Variants in SHANK2 observed in about 807,000 individuals in gnomAD.
The protein encoded by SHANK2 is SH3 and multiple ankyrin repeat domains protein 2.
Under a neutral mutation model 133.7 loss-of-function variants are expected in SHANK2, and 43 were observed. The ratio of observed to expected loss-of-function variants is 0.32; its 90% CI spans 0.25 to 0.41. The LOEUF (loss-of-function observed/expected upper bound fraction) is 0.41. Ranked by LOEUF, SHANK2 falls within the 10% of genes least tolerant of loss-of-function variation. The pLI is 1.00. For missense variants in SHANK2, 1,994 were observed against 2,235.8 expected, an observed-to-expected ratio of 0.89 and a Z score of 2.18; for synonymous variants, 1,017 against 952.8, an observed-to-expected ratio of 1.07 and a Z score of -1.24.
intron 3 of SHANK2, among the ~76,000 whole-genome samples, chr11:71,121,133 G>C (rs1319319074): frequency 6.6e-6 from 1 of 152,172 alleles, no homozygotes; most frequent in Non-Finnish European, 1.5e-5. Flanking sequence ...GGAAAGCCTG[G>C]GTTTGCAACC....
At chr11:70,907,655 T>C in intron 10 of SHANK2, 1 of 223,496 alleles carries the variant, frequency 4.5e-6, no homozygotes, top group Non-Finnish European at 9.3e-6. Context: ...GTGAGTTTAT[T>C]TTAGAAATAA....
intron 17 of SHANK2, among the ~76,000 whole-genome samples, chr11:70,615,346 C>T (rs945425386): frequency 1.3e-5 from 2 of 152,156 alleles, no homozygotes; most frequent in Non-Finnish European, 2.9e-5. Context: ...CTTTTGCTTT[C>T]AGTTCTTAAG....
intron 14 of SHANK2, among the ~76,000 whole-genome samples, chr11:70,792,394 G>A (rs868968192): frequency 4.6e-4 from 67 of 144,192 alleles, no homozygotes; most frequent in Admixed American, 1.9e-3. Context: ...CAGCCAACCA[G>A]CCAACCAACC....
At chr11:71,143,620 T>C (rs1555106185) in intron 3 of SHANK2, among the ~76,000 whole-genome samples, 1 of 152,168 alleles carries the variant, frequency 6.6e-6, no homozygotes, top group African/African-American at 2.4e-5. Context: ...GCTGCCTACT[T>C]GTTCCTAAGG....
chr11:70,870,607 C>T (rs1481289506), intron 11 of SHANK2, among the ~76,000 whole-genome samples: 3 of 152,142 alleles, frequency 2.0e-5, no homozygotes, highest in Non-Finnish European at 4.4e-5. Flanking sequence ...GGGGTTCACA[C>T]TGGGGACTGC....
intron 3 of SHANK2, among the ~76,000 whole-genome samples, chr11:71,132,381 T>C (rs1952332204): frequency 6.6e-6 from 1 of 152,166 alleles, no homozygotes; most frequent in African/African-American, 2.4e-5. Context: ...GGACGGCTGC[T>C]CCTCACCAGC....
At chr11:70,923,296 G>A (rs1446156697) in intron 10 of SHANK2, among the ~76,000 whole-genome samples, 11 of 152,238 alleles carry the variant, frequency 7.2e-5, no homozygotes, top group Admixed American at 7.2e-4. Context: ...AGGCTGGAAT[G>A]TAGTGGTGTG....
At chr11:70,586,551 T>C (rs2060255411) in intron 17 of SHANK2, among the ~76,000 whole-genome samples, 1 of 152,126 alleles carries the variant, frequency 6.6e-6, no homozygotes, top group African/African-American at 2.4e-5. Context: ...GGAAGCTAAC[T>C]CCGAGGCGGC....
chr11:70,684,801 C>T (rs1368283222), intron 15 of SHANK2, among the ~76,000 whole-genome samples: 1 of 152,064 alleles, frequency 6.6e-6, no homozygotes, highest in Non-Finnish European at 1.5e-5. Context: ...GGTCCCAGCC[C>T]TGCCCTGTCT....
At position 71,175,552 on chromosome 11, in the gene SHANK2, GA is replaced by G. The variant is rs1555112980; in HGVS notation, c.-12-28215del. On this transcript the variant is annotated intron_variant, in intron 2 of 25. Coordinates refer to ENST00000601538, the MANE Select transcript of SHANK2 (RefSeq NM_012309.5). This position sits in a 1 kb window ranked among gnomAD's most constrained non-coding sequence, Gnocchi z 4.2. Reference sequence around the variant, plus strand: ...AGACAGACAGAGGGAGAGGGAGAGGGAGAGAGAGAGAGAGAGAGAGAGAGAG... The same window carrying G: ...AGACAGACAGAGGGAGAGGGAGAGGGGAGAGAGAGAGAGAGAGAGAGAGAG... Among the ~76,000 whole-genome samples, 61 of 24,532 alleles carry G rather than the reference GA, an allele frequency of 2.5e-3. No individual in the cohort carries two copies. Among genetic ancestry groups the G allele is most frequent in the Middle Eastern group, 0.021 (1 of 48 alleles). The allele number at this position is 24,532 out of a possible 152,430, so 16.1% of individuals were successfully genotyped here. A position where few individuals can be genotyped will look rare whatever the true frequency, so the allele number is the denominator to read the frequency against.
intron 17 of SHANK2, among the ~76,000 whole-genome samples, chr11:70,610,465 G>GC (rs1392313234): frequency 6.6e-6 from 1 of 152,166 alleles, no homozygotes; most frequent in Non-Finnish European, 1.5e-5. Context: ...ACACGCCTGT[G>GC]CCCCCGGCCA....
intron 9 of SHANK2, among the ~76,000 whole-genome samples, chr11:71,073,147 C>CTTTCTTTTTTTTTTTT (rs1951166746): frequency 6.4e-5 from 4 of 62,716 alleles, no homozygotes; most frequent in African/African-American, 1.7e-4. Flanking sequence ...TTTTTCTTTT[C>CTTTCTTTTTTTTTTTT]TTTTTTTTCT....
At chr11:70,605,986 C>T (rs530951533) in intron 17 of SHANK2, among the ~76,000 whole-genome samples, 2 of 152,236 alleles carry the variant, frequency 1.3e-5, no homozygotes, top group East Asian at 1.9e-4. Flanking sequence ...GCATGAAGTA[C>T]CCTCAGTTAA....
intron 17 of SHANK2, among the ~76,000 whole-genome samples, chr11:70,651,570 G>T (rs987118017): frequency 3.3e-5 from 5 of 152,174 alleles, no homozygotes; most frequent in African/African-American, 9.7e-5. Flanking sequence ...AGAGACTGAA[G>T]ATCCCCAGTG....
intron 14 of SHANK2, among the ~76,000 whole-genome samples, chr11:70,786,937 C>T (rs781945319): frequency 6.6e-6 from 1 of 151,990 alleles, no homozygotes; most frequent in Non-Finnish European, 1.5e-5. Context: ...CTACCATCAT[C>T]ACCAACAAAA....
intron 1 of SHANK2, among the ~76,000 whole-genome samples, chr11:71,238,133 T>C (rs1165559010): frequency 2.0e-5 from 3 of 152,200 alleles, no homozygotes; most frequent in Non-Finnish European, 4.4e-5. Context: ...CCTGAATCCC[T>C]GAACCCTACG....
intron 16 of SHANK2, among the ~76,000 whole-genome samples, chr11:70,661,336 A>C (rs542217436): frequency 5.9e-5 from 9 of 152,162 alleles, no homozygotes; most frequent in Non-Finnish European, 1.0e-4. Context: ...ATTCAGAACA[A>C]CATCATCTAC....
At chr11:70,606,156 T>A (rs2060574174) in intron 17 of SHANK2, among the ~76,000 whole-genome samples, 1 of 151,996 alleles carries the variant, frequency 6.6e-6, no homozygotes, top group Admixed American at 6.6e-5. Flanking sequence ...AAGACCCCAC[T>A]CAAAAATCAG....
Position 70,770,915 on chromosome 11 carries a change from C to CTTTTTT in SHANK2, c.1777+27522_1777+27527dup, listed in dbSNP as rs71467419. Among the ~76,000 whole-genome samples the CTTTTTT allele has an allele frequency of 2.9e-3, 267 of 92,854 alleles. 20 individuals are homozygous for CTTTTTT. The highest frequency in any genetic ancestry group is 5.4e-3 in the South Asian group (11 of 2,042). 60.9% of individuals were successfully genotyped at this position (92,854 alleles called of 152,430 possible). ...TCTCTCCTTCCCTCCCTCTTACTTCCTTTTTTTTTTTTTTTTTTTTTTTTT... is the reference window on the plus strand; with the variant it reads ...TCTCTCCTTCCCTCCCTCTTACTTCCTTTTTTTTTTTTTTTTTTTTTTTTTTTTTTT... On this transcript the variant is annotated intron_variant, in intron 14 of 25. Transcript: ENST00000601538.
Sources: gnomAD v4.1 joint callset for allele counts (sites outside exome capture counted in the v4.1 genomes callset) on GRCh38, gnomAD v4.1.1 for gene constraint, Gnocchi (gnomAD v3.1) non-coding constraint, MANE v1.5 for transcripts, NCBI Gene and HGNC (gene_info 2026-07-23, HGNC 2026-07-21) for gene names.